The following PCDHA3 variants were observed in gnomAD, a reference collection of about 807,000 sequenced individuals.
The protein encoded by PCDHA3 is protocadherin alpha-3.
Under a neutral mutation model 62.2 loss-of-function variants are expected in PCDHA3, and 41 were observed. That is an observed-to-expected ratio of 0.66 (90% confidence interval 0.51 to 0.86). The LOEUF is 0.86. PCDHA3 is among the 40% of genes least tolerant of loss of function. The pLI is 0.00. For missense variants in PCDHA3, 1,304 were observed against 1,241.2 expected, an observed-to-expected ratio of 1.05 and a Z score of -0.76; for synonymous variants, 640 against 555.4, an observed-to-expected ratio of 1.15 and a Z score of -2.14.
At chr5:140,975,283 A>G (rs1554236730) in intron 1 of PCDHA3, among the ~76,000 whole-genome samples, 1 of 152,122 alleles carries the variant, frequency 6.6e-6, no homozygotes, top group Non-Finnish European at 1.5e-5. Context: ...TGACCTCTAG[A>G]CCCAGATTTA....
chr5:140,973,815 A>G (rs2096603789), intron 1 of PCDHA3, among the ~76,000 whole-genome samples: 1 of 152,224 alleles, frequency 6.6e-6, no homozygotes, highest in Admixed American at 6.5e-5. Flanking sequence ...CAGAATAGCA[A>G]AGTCAGTTCT....
At chr5:140,876,478 G>T in intron 1 of PCDHA3, 1 of 1,614,032 alleles carries the variant, frequency 6.2e-7, no homozygotes, top group Non-Finnish European at 8.5e-7. Flanking sequence ...TCACAGCATG[G>T]TCCTGGTGGA....
rs1210626259 is a variant in PCDHA3 at position 140,824,001 on chromosome 5, C to T, written c.2394+20410C>T. 3 of 1,613,960 alleles carry T rather than the reference C, an allele frequency of 1.9e-6. No homozygotes were observed. The African/African-American group carries it at 4.0e-5, about 22-fold the overall frequency. On this transcript the variant is annotated intron_variant, in intron 1 of 3. Coordinates refer to ENST00000522353, the MANE Select transcript of PCDHA3 (RefSeq NM_018906.3). ...GCAAGCCCACTCTGTTGTGCTCCAGCGCGGTGGGGAGCTGGTCGTACTCGC... is the reference window on the plus strand; with the variant it reads ...GCAAGCCCACTCTGTTGTGCTCCAGTGCGGTGGGGAGCTGGTCGTACTCGC...
At chr5:140,876,814 G>T (rs571648883) in intron 1 of PCDHA3, 1 of 1,614,226 alleles carries the variant, frequency 6.2e-7, no homozygotes, top group Non-Finnish European at 8.5e-7. Context: ...GGTGGCCGAC[G>T]TGAACGACAA....
At chr5:140,811,629 G>A (rs2126630282) in intron 1 of PCDHA3, 8 of 152,132 alleles carry the variant, frequency 5.3e-5, no homozygotes, top group South Asian at 4.1e-4. Context: ...GTGTAAAAGC[G>A]TTACTATTTC....
intron 1 of PCDHA3, chr5:140,868,902 T>G (rs2050730920): frequency 1.2e-6 from 1 of 837,896 alleles, no homozygotes; most frequent in African/African-American, 1.7e-5. Context: ...AAGGTGTCGC[T>G]CTTTACTTGG....
In PCDHA3 at chr5:140,950,041, A is replaced by G. The variant is rs139296187; in HGVS notation, c.2395-28908A>G. Among the ~76,000 whole-genome samples, 1,151 of 152,070 alleles carry G rather than the reference A, an allele frequency of 7.6e-3. 13 individuals carry two copies. The highest frequency in any genetic ancestry group is 0.01 in the Non-Finnish European group (711 of 67,812). On this transcript the variant is annotated intron_variant, in intron 1 of 3. Transcript: ENST00000522353. ...CATAAAATATAGAAAAGTTACAACC[A>G]TATAAGACTATTTAGCTCTTCCTGT... is the stretch of plus-strand genomic sequence containing the variant.
At chr5:140,841,324 G>A in intron 1 of PCDHA3, 1 of 1,601,518 alleles carries the variant, frequency 6.2e-7, no homozygotes. Flanking sequence ...TATTTAACAT[G>A]GATTATCACT....
intron 1 of PCDHA3, chr5:140,805,383 C>G (rs1554123353): frequency 9.0e-7 from 1 of 1,109,208 alleles, no homozygotes; most frequent in Non-Finnish European, 1.1e-6. Context: ...TGAAAGTACT[C>G]TGGTTTCTGT....
chr5:140,945,635 T>C (rs1200996842), intron 1 of PCDHA3, among the ~76,000 whole-genome samples: 1 of 152,024 alleles, frequency 6.6e-6, no homozygotes, highest in Admixed American at 6.5e-5. Context: ...ATAAAAGACA[T>C]GTAGACCAAT....
chr5:140,908,276 A>T (rs1554193275), intron 1 of PCDHA3, among the ~76,000 whole-genome samples: 1 of 152,148 alleles, frequency 6.6e-6, no homozygotes, highest in Non-Finnish European at 1.5e-5. Context: ...CCATGAGGCC[A>T]TTGTTGCAAG....
At position 140,822,235 on chromosome 5, in the gene PCDHA3, G is replaced by A. The variant is rs1554128532; in HGVS notation, c.2394+18644G>A. 2.5e-6 allele frequency: 4 copies of A among 1,614,250 alleles called. No individual in the cohort carries two copies. The highest frequency in any genetic ancestry group is 3.4e-6 in the Non-Finnish European group (4 of 1,180,040). On this transcript the variant is annotated intron_variant, in intron 1 of 3. Transcript: ENST00000522353. ...AATGCCAGATTCGCGGTTTCCGCTAGAGGGCGCGTCGGATTTGGATATTGG... is the reference window on the plus strand; with the variant it reads ...AATGCCAGATTCGCGGTTTCCGCTAAAGGGCGCGTCGGATTTGGATATTGG...
chr5:140,811,945 T>C (rs189961748), intron 1 of PCDHA3: 1 of 152,198 alleles, frequency 6.6e-6, no homozygotes, highest in South Asian at 2.1e-4. Context: ...TCCCATTCTG[T>C]AGGTTGCCTG....
At chr5:140,883,547 G>C in intron 1 of PCDHA3, 1 of 1,614,234 alleles carries the variant, frequency 6.2e-7, no homozygotes, top group Non-Finnish European at 8.5e-7. Flanking sequence ...GGTGGTGACC[G>C]CGCGGGACGG....
intron 3 of PCDHA3, among the ~76,000 whole-genome samples, chr5:141,003,915 C>T (rs2153979429): frequency 6.6e-6 from 1 of 152,298 alleles, no homozygotes; most frequent in African/African-American, 2.4e-5. Context: ...GTCTTGACTG[C>T]ATCCTCAGTC....
intron 1 of PCDHA3, among the ~76,000 whole-genome samples, chr5:140,918,373 C>A (rs1459758959): frequency 6.6e-6 from 1 of 152,056 alleles, no homozygotes; most frequent in Non-Finnish European, 1.5e-5. Context: ...TATTTGGATG[C>A]CTTTTATTTC....
chr5:140,827,884 A>G (rs1769440863), intron 1 of PCDHA3: 1 of 684,502 alleles, frequency 1.5e-6, no homozygotes. Flanking sequence ...ACGTGAATTG[A>G]TTTCTTACCT....
intron 1 of PCDHA3, among the ~76,000 whole-genome samples, chr5:140,941,562 G>A (rs1032844993): frequency 1.3e-5 from 2 of 151,596 alleles, no homozygotes; most frequent in African/African-American, 2.4e-5. Flanking sequence ...TGATCCATTC[G>A]CCTCAGCCTC....
chr5:140,842,047 C>T (rs2150327967), intron 1 of PCDHA3: 2 of 1,613,806 alleles, frequency 1.2e-6, no homozygotes, highest in Non-Finnish European at 8.5e-7. Context: ...CTCCCACTTT[C>T]GAACAGTCTG....
Sources: gnomAD v4.1 joint callset for allele counts (sites outside exome capture counted in the v4.1 genomes callset) on GRCh38, gnomAD v4.1.1 for gene constraint, MANE v1.5 for transcripts, NCBI Gene and HGNC (gene_info 2026-07-23, HGNC 2026-07-21) for gene names.